The following PAX2 variants were observed in gnomAD, a reference collection of about 807,000 sequenced individuals.
PAX2 encodes paired box 2, also known as paired box protein Pax-2.
In PAX2, 9 loss-of-function variants were observed where a neutral mutation model predicts 41.7. The ratio of observed to expected loss-of-function variants is 0.22; its 90% CI spans 0.13 to 0.38. PAX2 has a LOEUF of 0.38. Ranked by LOEUF, PAX2 falls within the 10% of genes least tolerant of loss-of-function variation. The pLI is 1.00. For missense variants in PAX2, 418 were observed against 531.6 expected, an observed-to-expected ratio of 0.79 and a Z score of 2.10; for synonymous variants, 221 against 212.7, an observed-to-expected ratio of 1.04 and a Z score of -0.34.
chr10:100,763,761 C>T (rs1324670353), intron 3 of PAX2, among the ~76,000 whole-genome samples: 1 of 152,220 alleles, frequency 6.6e-6, no homozygotes, highest in Non-Finnish European at 1.5e-5. Flanking sequence ...TAAGCACCTA[C>T]TATGTGCTAG....
intron 7 of PAX2, among the ~76,000 whole-genome samples, chr10:100,817,318 T>C (rs192100970): frequency 6.6e-6 from 1 of 152,322 alleles, no homozygotes; most frequent in East Asian, 1.9e-4. Flanking sequence ...GACTAGAAGA[T>C]ATCCAAGTTC....
upstream of PAX2, among the ~76,000 whole-genome samples, chr10:100,741,319 G>GA (rs200643043): frequency 3.9e-3 from 532 of 134,814 alleles, 6 homozygotes; most frequent in Middle Eastern, 0.029. Context: ...GGTCTTAGAT[G>GA]AAAAAAAAAA....
At chr10:100,745,028 C>G, upstream of PAX2, among the ~76,000 whole-genome samples, 1 of 141,556 alleles carries the variant, frequency 7.1e-6, no homozygotes. Context: ...CGGGAAGGAA[C>G]GGAAGGGAAC....
intron 7 of PAX2, among the ~76,000 whole-genome samples, chr10:100,811,937 T>C (rs1484015615): frequency 6.6e-6 from 1 of 152,182 alleles, no homozygotes; most frequent in Non-Finnish European, 1.5e-5. Flanking sequence ...AGCCAGACCT[T>C]ATTGAGATTC....
At chr10:100,769,677 T>TAAAAA (rs1424077909) in intron 3 of PAX2, among the ~76,000 whole-genome samples, 1 of 135,504 alleles carries the variant, frequency 7.4e-6, no homozygotes, top group Non-Finnish European at 1.6e-5. Context: ...AATAAAAAAA[T>TAAAAA]AAAAAACAAA....
rs12769518 is a variant in PAX2, at chr10:100,806,834, T to C, written c.792+229T>C. 0.17 allele frequency among the ~76,000 whole-genome samples: 25,636 copies of C among 152,010 alleles called. 2,569 individuals are homozygous for C. The highest frequency in any genetic ancestry group is 0.35 in the Middle Eastern group (101 of 292). ...TAGAAATGAGTTCTGGGTGCAAGAG[T>C]ATGGCCTTGGGTAAATCATCTCTGT... On this transcript the variant is annotated intron_variant, in intron 6 of 9. Coordinates refer to ENST00000355243, the MANE Select transcript of PAX2 (RefSeq NM_000278.5).
chr10:100,747,193 C>A (rs1003564939), intron 1 of PAX2: 2 of 152,190 alleles, frequency 1.3e-5, no homozygotes, highest in Non-Finnish European at 2.9e-5. Flanking sequence ...CCTAGACTGC[C>A]GACTCCCCAT....
rs1270193396 is a variant in PAX2 at position 100,748,687 on chromosome 10, C to T, written c.44-1059C>T. 4.1e-6 allele frequency: 4 copies of T among 985,346 alleles called. No homozygotes were observed. The allele number at this position is 985,346 out of a possible 1,614,324, so 61.0% of individuals were successfully genotyped here. ...CTCAGGCCTGGCACCCAGTGGCCGCCTCGGTTCCGAGATCGGGAGCCCGCG... is the reference window on the plus strand; with the variant it reads ...CTCAGGCCTGGCACCCAGTGGCCGCTTCGGTTCCGAGATCGGGAGCCCGCG... On this transcript the variant is annotated intron_variant, in intron 1 of 9. Transcript: ENST00000355243. This position sits in a 1 kb window ranked among gnomAD's most constrained non-coding sequence, Gnocchi z 5.0.
chr10:100,806,908 G>T (rs1231502925), intron 6 of PAX2, among the ~76,000 whole-genome samples: 1 of 152,158 alleles, frequency 6.6e-6, no homozygotes, highest in Non-Finnish European at 1.5e-5. Flanking sequence ...TGGATGTAGG[G>T]TTTGTCAAGT....
intron 1 of PAX2, chr10:100,749,331 G>C (rs1375765582): frequency 9.9e-7 from 1 of 1,010,152 alleles, no homozygotes; most frequent in Non-Finnish European, 1.2e-6. Flanking sequence ...CAGCTCCCGG[G>C]TTGCCTGCGG....
intron 3 of PAX2, among the ~76,000 whole-genome samples, chr10:100,775,384 A>G (rs1298610553): frequency 6.6e-6 from 1 of 152,094 alleles, no homozygotes; most frequent in Non-Finnish European, 1.5e-5. Flanking sequence ...TGACCATCAG[A>G]TTTCCATGAT....
chr10:100,814,773 C>T (rs1848130965), intron 7 of PAX2, among the ~76,000 whole-genome samples: 1 of 152,206 alleles, frequency 6.6e-6, no homozygotes, highest in Non-Finnish European at 1.5e-5. Context: ...GGAGAAATGT[C>T]TCTTAATTGC....
intron 1 of PAX2, 102 bp downstream of exon 1, chr10:100,746,405 G>C (rs1229347217): frequency 4.8e-6 from 4 of 834,980 alleles, no homozygotes; most frequent in Non-Finnish European, 8.5e-6. Context: ...GTCCCATCTT[G>C]GAGGCCTCCC....
At chr10:100,761,460 A>G (rs1370065335) in intron 3 of PAX2, among the ~76,000 whole-genome samples, 2 of 152,194 alleles carry the variant, frequency 1.3e-5, no homozygotes, top group Non-Finnish European at 2.9e-5. Flanking sequence ...CTCCCTTAGG[A>G]GATGACCTCC....
chr10:100,760,143 G>A (rs1468136916), intron 3 of PAX2, among the ~76,000 whole-genome samples: 1 of 152,174 alleles, frequency 6.6e-6, no homozygotes, highest in Non-Finnish European at 1.5e-5. Flanking sequence ...GAAAGACTAT[G>A]TGTGCTGGTG....
rs1848605063 is a variant in PAX2 at position 100,827,228 on chromosome 10, G to A, written c.1108+133G>A. The A allele has an allele frequency of 1.0e-5, 8 of 769,892 alleles. No individual in the cohort carries two copies. The highest frequency in any genetic ancestry group is 3.4e-5 in the African/African-American group (2 of 58,090). 47.7% of individuals were successfully genotyped at this position (769,892 alleles called of 1,614,324 possible). A position where few individuals can be genotyped will look rare whatever the true frequency, so the allele number is the denominator to read the frequency against. On this transcript the variant is annotated intron_variant, in intron 9 of 9. Transcript: ENST00000355243. The surrounding 1 kb of genome is among the most constrained non-coding windows in gnomAD (Gnocchi z 8.5). ...ACAGGCTTGTTAGTGCAGCACTGAG[G>A]CCCGGGGACCCCTCGAGGACGCCCG...
intron 3 of PAX2, among the ~76,000 whole-genome samples, chr10:100,758,351 G>A (rs907692598): frequency 2.0e-5 from 3 of 151,980 alleles, no homozygotes; most frequent in Admixed American, 1.3e-4. Flanking sequence ...CATGTTAGCC[G>A]GGATGGTCTC....
At chr10:100,788,272 CT>C (rs1372731701) in intron 5 of PAX2, among the ~76,000 whole-genome samples, 2 of 152,224 alleles carry the variant, frequency 1.3e-5, no homozygotes, top group Non-Finnish European at 2.9e-5. Context: ...CGATCGCCTC[CT>C]TTTGTAGGCT....
Position 100,750,594 on chromosome 10 carries a change from T to C in PAX2, c.213-100T>C. The C allele has an allele frequency of 9.2e-7, 1 of 1,083,188 alleles. No individual in the cohort carries two copies. Among genetic ancestry groups the C allele is most frequent in the East Asian group, 2.5e-5 (1 of 39,294 alleles). 67.1% of individuals were successfully genotyped at this position (1,083,188 alleles called of 1,614,324 possible). ...GGCCTTTTCCCTCCACTCCGCTGCC[T>C]CGGCCGGGCAGGAGAGTGGCTCAGC... is the stretch of plus-strand genomic sequence containing the variant. On this transcript the variant is annotated intron_variant, in intron 2 of 9. Transcript: ENST00000355243. The surrounding 1 kb of genome is among the most constrained non-coding windows in gnomAD (Gnocchi z 4.1).
Sources: allele counts gnomAD v4.1 joint callset (sites outside exome capture counted in the v4.1 genomes callset), GRCh38; gene constraint gnomAD v4.1.1; non-coding constraint Gnocchi (gnomAD v3.1); transcripts MANE v1.5; gene names NCBI Gene and HGNC (gene_info 2026-07-23, HGNC 2026-07-21).